GRIK3: variants seen among roughly 807,000 people sequenced by gnomAD.
GRIK3 encodes the protein glutamate receptor ionotropic, kainate 3.
GRIK3 carries 29 observed loss-of-function variants against 102.5 expected under a neutral mutation model. The observed-to-expected ratio is 0.28, with a 90% CI of 0.21 to 0.39. The LOEUF is 0.39. Ranked by LOEUF, GRIK3 falls within the 10% of genes least tolerant of loss-of-function variation. The pLI, the probability that GRIK3 is intolerant of heterozygous loss-of-function variation, is 1.00. For missense variants in GRIK3, 908 were observed against 1,252.4 expected, an observed-to-expected ratio of 0.73 and a Z score of 4.15; for synonymous variants, 511 against 504.9, an observed-to-expected ratio of 1.01 and a Z score of -0.16.
intron 13 of GRIK3, among the ~76,000 whole-genome samples, chr1:36,811,812 C>G (rs1642566309): frequency 6.6e-6 from 1 of 152,200 alleles, no homozygotes; most frequent in South Asian, 2.1e-4. Flanking sequence ...ACTGTACATA[C>G]AGGAGCTCAC....
chr1:36,897,552 T>G (rs1641185042), intron 1 of GRIK3, among the ~76,000 whole-genome samples: 1 of 152,170 alleles, frequency 6.6e-6, no homozygotes, highest in South Asian at 2.1e-4. Flanking sequence ...GATGCTCACA[T>G]CATTGATCAT....
intron 1 of GRIK3, among the ~76,000 whole-genome samples, chr1:36,922,631 T>C (rs1641486405): frequency 6.6e-6 from 1 of 152,222 alleles, no homozygotes; most frequent in South Asian, 2.1e-4. Flanking sequence ...CGCTTATTTA[T>C]CAAGGAAGAA....
At chr1:37,011,816 C>T (rs576016025) in intron 1 of GRIK3, among the ~76,000 whole-genome samples, 15 of 152,284 alleles carry the variant, frequency 9.9e-5, no homozygotes, top group East Asian at 1.9e-4. Flanking sequence ...CATGCAGAGA[C>T]GCATTTCTCC....
chr1:36,964,272 AG>A (rs1642057250), intron 1 of GRIK3, among the ~76,000 whole-genome samples: 1 of 152,224 alleles, frequency 6.6e-6, no homozygotes, highest in Admixed American at 6.5e-5. Context: ...CTGAGGGTTC[AG>A]GATTTCTCAG....
chr1:36,855,663 T>C (rs1023239743), intron 7 of GRIK3, among the ~76,000 whole-genome samples: 2 of 152,232 alleles, frequency 1.3e-5, no homozygotes, highest in Non-Finnish European at 2.9e-5. Context: ...AGTGCCTGCA[T>C]ACACAATCAC....
chr1:37,007,553 G>A (rs1642545533), intron 1 of GRIK3, among the ~76,000 whole-genome samples: 1 of 152,200 alleles, frequency 6.6e-6, no homozygotes, highest in Admixed American at 6.5e-5. Flanking sequence ...TGGCATTCGG[G>A]AGCCACCGGG....
At chr1:36,852,656 C>G (rs375890029) in intron 8 of GRIK3, among the ~76,000 whole-genome samples, 2 of 152,288 alleles carry the variant, frequency 1.3e-5, no homozygotes, top group Admixed American at 6.5e-5. Context: ...ATGCTTGAAC[C>G]AGGGCACTGC....
intron 2 of GRIK3, among the ~76,000 whole-genome samples, chr1:36,885,410 C>T: frequency 6.6e-6 from 1 of 151,906 alleles, no homozygotes; most frequent in Non-Finnish European, 1.5e-5. Flanking sequence ...GTTGGTGGTG[C>T]TGATATTAAG....
At chr1:37,033,015 C>A (rs2124097522) in intron 1 of GRIK3, among the ~76,000 whole-genome samples, 1 of 152,244 alleles carries the variant, frequency 6.6e-6, no homozygotes, top group African/African-American at 2.4e-5. Flanking sequence ...CCCAGGCGGC[C>A]CAGGTGTCCG....
intron 1 of GRIK3, 48 bp downstream of exon 1, chr1:37,033,946 C>T: frequency 2.7e-6 from 3 of 1,110,874 alleles, no homozygotes; most frequent in Non-Finnish European, 4.0e-6. Context: ...CCCTCATTCC[C>T]GCCCCCTCCC....
chr1:36,981,919 G>T (rs1178343198), intron 1 of GRIK3, among the ~76,000 whole-genome samples: 3 of 152,194 alleles, frequency 2.0e-5, no homozygotes, highest in Non-Finnish European at 4.4e-5. Flanking sequence ...AGCTGCAGAG[G>T]AGTCATGTGT....
At chr1:36,818,839 T>A (rs1642664249) in intron 12 of GRIK3, among the ~76,000 whole-genome samples, 1 of 152,172 alleles carries the variant, frequency 6.6e-6, no homozygotes, top group Non-Finnish European at 1.5e-5. Context: ...GCCTGCCCCC[T>A]AAGCAGGTCC....
At chr1:37,003,198 T>C (rs1198740625) in intron 1 of GRIK3, among the ~76,000 whole-genome samples, 1 of 152,126 alleles carries the variant, frequency 6.6e-6, no homozygotes, top group African/African-American at 2.4e-5. Flanking sequence ...TGCTAAGAAA[T>C]ATAAACTTTC....
chr1:36,905,163 G>T (rs492386), intron 1 of GRIK3, among the ~76,000 whole-genome samples: 6,485 of 152,044 alleles, frequency 0.043, 365 homozygotes, highest in African/African-American at 0.12. Context: ...AACAAAAAAA[G>T]AAAATACCTT....
intron 1 of GRIK3, among the ~76,000 whole-genome samples, chr1:36,957,881 CCCCT>C: frequency 1.3e-5 from 1 of 78,182 alleles, no homozygotes; most frequent in African/African-American, 6.6e-5. Context: ...TGACTCTGTG[CCCCT>C]GAGTCTGTGT....
intron 1 of GRIK3, among the ~76,000 whole-genome samples, chr1:36,976,126 T>C (rs1451505104): frequency 6.6e-6 from 1 of 152,050 alleles, no homozygotes; most frequent in African/African-American, 2.4e-5. Flanking sequence ...GATGGACACA[T>C]GGGAGGGTGT....
chr1:36,907,375 T>C (rs958314772), intron 1 of GRIK3, among the ~76,000 whole-genome samples: 2 of 152,066 alleles, frequency 1.3e-5, no homozygotes, highest in African/African-American at 2.4e-5. Context: ...AAGTAAGAAA[T>C]TCACCACAGC....
intron 1 of GRIK3, among the ~76,000 whole-genome samples, chr1:36,911,841 G>C (rs1019364455): frequency 6.6e-6 from 1 of 152,072 alleles, no homozygotes; most frequent in African/African-American, 2.4e-5. Flanking sequence ...TGTCCTTGCT[G>C]GAGGGGACAA....
At chr1:36,996,806 G>A (rs745391019) in intron 1 of GRIK3, among the ~76,000 whole-genome samples, 3 of 152,140 alleles carry the variant, frequency 2.0e-5, no homozygotes, top group African/African-American at 4.8e-5. Context: ...CCCCAGCTCC[G>A]CATATCCAAG....
Sources: allele counts gnomAD v4.1 joint callset (sites outside exome capture counted in the v4.1 genomes callset), GRCh38; gene constraint gnomAD v4.1.1; transcripts MANE v1.5; gene names NCBI Gene and HGNC (gene_info 2026-07-23, HGNC 2026-07-21).